The following FLG variants were observed in gnomAD, a reference collection of about 807,000 sequenced individuals.
FLG encodes epidermal filaggrin.
In FLG, 6 loss-of-function variants were observed where a neutral mutation model predicts 3.8. The observed-to-expected ratio is 1.60, with a 90% CI of 0.87 to 3.15. The LOEUF is 3.15. FLG is among the 30% of genes most tolerant of loss of function. FLG has a pLI of 0.00. For missense variants in FLG, 7,595 were observed against 5,050.9 expected (o/e 1.50, Z -15.27); for synonymous variants, 2,551 against 1,931.6 (o/e 1.32, Z -8.41).
rs755843828 is a variant in FLG, at chr1:152,303,691, C to G, written c.11195G>C (p.Gly3732Ala). Residue 3732 changes from glycine to alanine, a missense_variant, in exon 3 of 3, where the codon GGA becomes GCA. Coordinates refer to ENST00000368799, the MANE Select transcript of FLG (RefSeq NM_002016.2). ...CTCGTGGCGGGATCCTTGTCTTCCT[C>G]CAGTACTGGGCCCAGCCCGTCCATG... ...SAHGRAGPST[G>A]GRQGSRHEQA... The G allele has an allele frequency of 9.4e-5, 151 of 1,613,948 alleles. No individual in the cohort carries two copies. Among genetic ancestry groups the G allele is most frequent in the Non-Finnish European group, 1.2e-4 (147 of 1,179,986 alleles).
Position 152,304,762 on chromosome 1 carries a change from C to A in FLG, c.10124G>T (p.Arg3375Leu), listed in dbSNP as rs551056294. ...TGAACGTCCAGACCTTCCCCCTGAC[C>A]GGTCACGTGCGGACTCTTGGTGGCT... ...QQSHQESARD[R>L]SGGRSGRSGS... is the part of the protein sequence containing the mutation. Residue 3375 changes from arginine to leucine, a missense_variant, in exon 3 of 3, where the codon CGG (arginine) becomes CTG (leucine). Arg to Leu is a moderately radical substitution (Grantham distance 102). Coordinates refer to ENST00000368799, the MANE Select transcript of FLG (RefSeq NM_002016.2). 1.5e-5 allele frequency: 24 copies of A among 1,613,462 alleles called. 1 individual carries two copies. In the African/African-American group the frequency reaches 2.3e-4, roughly 15 times the overall value.
intron 1 of FLG, among the ~76,000 whole-genome samples, chr1:152,319,855 A>G (rs1652900183): frequency 6.6e-6 from 1 of 151,546 alleles, no homozygotes; most frequent in Non-Finnish European, 1.5e-5. Flanking sequence ...GGAGCAAGAA[A>G]GAATAAGAAC....
rs1173622418 is a variant in FLG at position 152,313,973 on chromosome 1, C to T, written c.913G>A (p.Gly305Arg). The T allele has an allele frequency of 6.8e-6, 11 of 1,614,022 alleles. No homozygotes were observed. Among genetic ancestry groups the T allele is most frequent in the Admixed American group, 1.7e-5 (1 of 60,004 alleles). The change falls in exon 3 of 3, where the codon GGA becomes AGA. Residue 305 changes from glycine to arginine, a missense_variant. Coordinates refer to ENST00000368799, the MANE Select transcript of FLG (RefSeq NM_002016.2). Reference protein sequence around the residue: ...SRVSQDRDSEGHSEDSERHSG... With the variant: ...SRVSQDRDSERHSEDSERHSG... ...TGCCTCTCAGAGTCTTCTGAGTGTC[C>T]CTCACTGTCCCTGTCCTGGCTAACT... is the stretch of plus-strand genomic sequence containing the variant.
Position 152,309,736 on chromosome 1 carries a change from CT to C in FLG, c.5149del (p.Ser1717AlafsTer53), listed in dbSNP as rs1652256033. Reference protein sequence around the residue: ...GDSGNRGSSGSQASDSEGHSE... With the variant: ...GDSGNRGSSGXQASDSEGHSE... Reference sequence around the variant, plus strand: ...GTGTCCCTCGCTGTCACTGGCCTGGCTACCACTGGACCCTCGGTTTCCACTG... The same window carrying C: ...GTGTCCCTCGCTGTCACTGGCCTGGCACCACTGGACCCTCGGTTTCCACTG... On this transcript the variant is annotated frameshift_variant, in exon 3 of 3. Transcript: ENST00000368799. LOFTEE classifies it low-confidence loss of function (END_TRUNC). 1 of 1,614,002 alleles carries C rather than the reference CT, an allele frequency of 6.2e-7. No individual in the cohort carries two copies. The highest frequency in any genetic ancestry group is 8.5e-7 in the Non-Finnish European group (1 of 1,180,032).
rs1651926613 is a variant in FLG at position 152,305,935 on chromosome 1, T to TGGA, written c.8950_8951insTCC (p.Gln2983_Gln2984insLeu). On this transcript the variant is annotated inframe_insertion, in exon 3 of 3. Transcript: ENST00000368799. ...TGAGTGTCTGGAGCTGTCTGCTGAC[T>TGGA]GCTGGTGGTGGGATCCATGTCTTTC... is the stretch of plus-strand genomic sequence containing the variant. The TGGA allele has an allele frequency of 3.4e-6, 5 of 1,471,574 alleles. No homozygotes were observed. Among genetic ancestry groups the TGGA allele is most frequent in the Non-Finnish European group, 1.8e-6 (2 of 1,085,986 alleles). The allele number at this position is 1,471,574 out of a possible 1,614,324, so 91.2% of individuals were successfully genotyped here.
chr1:152,319,916 A>G (rs1652901593), intron 1 of FLG, among the ~76,000 whole-genome samples: 2 of 151,442 alleles, frequency 1.3e-5, no homozygotes, highest in African/African-American at 2.4e-5. Context: ...TGATTGCATA[A>G]AATAATAATA....
rs148200894 is a variant in FLG, at chr1:152,310,057, C to A, written c.4829G>T (p.Arg1610Leu). ...ATGGTTTCTGGAAGCCGACTCAGAC[C>A]GCCTCTCAGAGTCTTCTGAGTGTCC... Reference protein sequence around the residue: ...SEGHSEDSERRSESASRNHYG... With the variant: ...SEGHSEDSERLSESASRNHYG... The change falls in exon 3 of 3, where the codon CGG becomes CTG. Residue 1610 changes from arginine to leucine, a missense_variant. By Grantham distance (102) the Arg-to-Leu change is moderately radical. Transcript: ENST00000368799. The A allele has an allele frequency of 5.0e-6, 8 of 1,613,378 alleles. No homozygotes were observed. In the East Asian group the frequency reaches 1.6e-4, roughly 32 times the overall value.
intron 1 of FLG, among the ~76,000 whole-genome samples, chr1:152,324,080 T>A (rs955199945): frequency 2.8e-5 from 4 of 145,216 alleles, no homozygotes; most frequent in African/African-American, 9.8e-5. Context: ...GAATCATGGA[T>A]AACTTCTAGA....
Position 152,308,800 on chromosome 1 carries a change from G to A in FLG, c.6086C>T (p.Ser2029Phe). 1 of 1,614,178 alleles carries A rather than the reference G, an allele frequency of 6.2e-7. No individual in the cohort carries two copies. Among genetic ancestry groups the A allele is most frequent in the Non-Finnish European group, 8.5e-7 (1 of 1,180,026 alleles). Residue 2029 changes from serine to phenylalanine, a missense_variant, in exon 3 of 3, where the codon TCT becomes TTT. Coordinates refer to ENST00000368799, the MANE Select transcript of FLG (RefSeq NM_002016.2). The part of the protein sequence containing the change: ...HSGIGHGQAS[S>F]AVRDSGHRGY... ...TCGGTGTCCACTGTCTCTGACTGCA[G>A]ATGAAGCTTGTCCATGCCCAATGCC... is the stretch of plus-strand genomic sequence containing the variant.
rs1374780030 is a variant in FLG at position 152,305,413 on chromosome 1, G to C, written c.9473C>G (p.Ser3158Cys). The C allele has an allele frequency of 1.9e-6, 3 of 1,603,542 alleles. No individual in the cohort carries two copies. Among genetic ancestry groups the C allele is most frequent in the Non-Finnish European group, 2.5e-6 (3 of 1,178,454 alleles). ...RSDASRGQSG[S>C]RSASRTTRNE... ...ACGTGTTGTTCTGCTTGCACTTCTG[G>C]ATCCTGACTGCCCACGGGAGGCATC... The change falls in exon 3 of 3, where the codon TCC becomes TGC. Residue 3158 changes from serine (S) to cysteine (C), a missense_variant. Transcript: ENST00000368799.
rs772401413 is a variant in FLG, at chr1:152,311,367, T to A, written c.3519A>T (p.Arg1173Ser). The change falls in exon 3 of 3, where the codon AGA (arginine) becomes AGT (serine). Residue 1173 changes from arginine to serine, a missense_variant. Arg to Ser is a moderately radical substitution (Grantham distance 110). Transcript: ENST00000368799. ...DTIRAHPGSR[R>S]GGRQGSHHEQ... is the part of the protein sequence containing the mutation. Reference sequence around the variant, plus strand: ...CATGGTGGGATCCCTGCCTTCCTCCTCTCCTTGACCCCGGGTGTGCACGAA... The same window carrying A: ...CATGGTGGGATCCCTGCCTTCCTCCACTCCTTGACCCCGGGTGTGCACGAA... The A allele has an allele frequency of 6.2e-7, 1 of 1,613,632 alleles. No homozygotes were observed. Among genetic ancestry groups the A allele is most frequent in the Admixed American group, 1.7e-5 (1 of 59,946 alleles).
rs1395234391 is a variant in FLG at position 152,312,088 on chromosome 1, G to A, written c.2798C>T (p.Ser933Leu). 1.2e-6 allele frequency: 2 copies of A among 1,614,118 alleles called. No homozygotes were observed. The highest frequency in any genetic ancestry group is 2.2e-5 in the South Asian group (2 of 91,080). ...GCGCCTGCTTGTCCTGGACCCCTCT[G>A]ATTGTCCCTGGCCTGCCTGTGAGTG... ...SRHSQAGQGQ[S>L]EGSRTSRRQG... is the part of the protein sequence containing the mutation. Residue 933 changes from serine (S) to leucine (L), a missense_variant, in exon 3 of 3, where the codon TCA (serine) becomes TTA (leucine). By Grantham distance (145) the Ser-to-Leu change is moderately radical. Transcript: ENST00000368799.
Position 152,303,047 on chromosome 1 carries a change from G to A in FLG, c.11839C>T (p.Arg3947Cys), listed in dbSNP as rs141145933. The A allele has an allele frequency of 6.7e-4, 1,085 of 1,614,134 alleles. No individual in the cohort carries two copies. The highest frequency in any genetic ancestry group is 1.4e-3 in the Admixed American group (81 of 60,000). ...GAACTAGAACTGTGAGGACTGCCAC[G>A]TGACTGTATTCCTGAGTGATACGCA... ...DSAYHSGIQS[R>C]GSPHSSSSYH... The change falls in exon 3 of 3, where the codon CGT (arginine) becomes TGT (cysteine). Residue 3947 changes from arginine (R) to cysteine (C), a missense_variant. Physicochemically the swap from Arg to Cys is radical, Grantham distance 180. Coordinates refer to ENST00000368799, the MANE Select transcript of FLG (RefSeq NM_002016.2).
At position 152,309,984 on chromosome 1, in the gene FLG, C is replaced by A. The variant is rs761483019; in HGVS notation, c.4902G>T (p.Arg1634Ser). 4.3e-6 allele frequency: 7 copies of A among 1,613,986 alleles called. No individual in the cohort carries two copies. The highest frequency in any genetic ancestry group is 5.9e-6 in the Non-Finnish European group (7 of 1,180,006). The change falls in exon 3 of 3, where the codon AGG becomes AGT. Residue 1634 changes from arginine to serine, a missense_variant. Coordinates refer to ENST00000368799, the MANE Select transcript of FLG (RefSeq NM_002016.2). ...EQSRHGSRNPRSHQEDRASHG... is the reference protein window; with the variant it reads ...EQSRHGSRNPSSHQEDRASHG... ...GACTGGCTCTATCTTCTTGATGGGA[C>A]CTGGGGTTCCTGGAGCCATGTCTTG...
Position 152,314,244 on chromosome 1 carries a change from T to G in FLG, c.642A>C (p.Val214=). The change falls in exon 3 of 3, where the codon GTA becomes GTC. Residue 214 remains valine, a synonymous_variant. Coordinates refer to ENST00000368799, the MANE Select transcript of FLG (RefSeq NM_002016.2). The part of the protein sequence containing the change: ...LEEKEDNEEG[V]YDYENTGRMT... Reference sequence around the variant, plus strand: ...TTCTTCCTGTATTTTCATAATCATATACTCCTTCTTCATTGTCTTCTTTCT... The same window carrying G: ...TTCTTCCTGTATTTTCATAATCATAGACTCCTTCTTCATTGTCTTCTTTCT... 1 of 1,613,656 alleles carries G rather than the reference T, an allele frequency of 6.2e-7. No homozygotes were observed. Among genetic ancestry groups the G allele is most frequent in the Non-Finnish European group, 8.5e-7 (1 of 1,179,772 alleles).
In FLG at chr1:152,309,659, G is replaced by A; in HGVS notation, c.5227C>T (p.His1743Tyr). Reference sequence around the variant, plus strand: ...GTGGACTCTTGGTGGCTCTGCTGATGGGGCCCAGCCTGTCCGTGGGCTGAC... The same window carrying A: ...GTGGACTCTTGGTGGCTCTGCTGATAGGGCCCAGCCTGTCCGTGGGCTGAC... ...SVSAHGQAGP[H>Y]QQSHQESTRG... The change falls in exon 3 of 3, where the codon CAT becomes TAT. Residue 1743 changes from histidine to tyrosine, a missense_variant. His to Tyr is a moderately conservative substitution (Grantham distance 83). Coordinates refer to ENST00000368799, the MANE Select transcript of FLG (RefSeq NM_002016.2). 5 of 1,613,654 alleles carry A rather than the reference G, an allele frequency of 3.1e-6. No homozygotes were observed. The highest frequency in any genetic ancestry group is 1.3e-5 in the African/African-American group (1 of 74,910).
chr1:152,314,886 T>C, intron 2 of FLG, 139 bp from the exon 3 acceptor site: 1 of 1,033,842 alleles, frequency 9.7e-7, no homozygotes, highest in East Asian at 2.5e-5. Context: ...TTAAGACTTT[T>C]TTGTCTCATC....
rs574781406 is a variant in FLG at position 152,304,769 on chromosome 1, G to T, written c.10117C>A (p.Arg3373Ser). ...PHQQSHQESA[R>S]DRSGGRSGRS... Reference sequence around the variant, plus strand: ...CCAGACCTTCCCCCTGACCGGTCACGTGCGGACTCTTGGTGGCTCTGCTGA... The same window carrying T: ...CCAGACCTTCCCCCTGACCGGTCACTTGCGGACTCTTGGTGGCTCTGCTGA... Residue 3373 changes from arginine to serine, a missense_variant, in exon 3 of 3, where the codon CGT (arginine) becomes AGT (serine). Arg to Ser is a moderately radical substitution (Grantham distance 110, BLOSUM62 -1). Transcript: ENST00000368799. 5.6e-6 allele frequency: 9 copies of T among 1,613,682 alleles called. No homozygotes were observed. Among genetic ancestry groups the T allele is most frequent in the South Asian group, 2.2e-5 (2 of 90,976 alleles).
At chr1:152,323,530 A>G (rs1412789740) in intron 1 of FLG, among the ~76,000 whole-genome samples, 4 of 151,856 alleles carry the variant, frequency 2.6e-5, no homozygotes, top group Admixed American at 6.6e-5. Context: ...TAAACATATC[A>G]AAACTTCTCA....
Sources: gnomAD v4.1 joint callset for allele counts (sites outside exome capture counted in the v4.1 genomes callset) on GRCh38, gnomAD v4.1.1 for gene constraint, MANE v1.5 for transcripts, NCBI Gene and HGNC (gene_info 2026-07-23, HGNC 2026-07-21) for gene names.